Variants in SHROOM4 observed in about 807,000 individuals in gnomAD.
SHROOM4 encodes the protein protein Shroom4.
In SHROOM4, 17 loss-of-function variants were observed where a neutral mutation model predicts 80.3. That is an observed-to-expected ratio of 0.21 (90% CI 0.14 to 0.32). The LOEUF (loss-of-function observed/expected upper bound fraction) is 0.32, where lower values mean the gene tolerates loss of function less well. Among genes scored for constraint, SHROOM4 ranks in the 10% least tolerant of loss-of-function variants. The pLI is 1.00. For synonymous variants in SHROOM4, 400 were observed against 437.5 expected, an observed-to-expected ratio of 0.91 and a Z score of 1.07; for missense variants, 993 against 1,140.3, an observed-to-expected ratio of 0.87 and a Z score of 1.86.
At chrX:50,639,419 T>C (rs1931499654) in intron 2 of SHROOM4, among the ~76,000 whole-genome samples, 1 of 110,798 alleles carries the variant, frequency 9.0e-6, no homozygotes, top group Admixed American at 9.6e-5. Context: ...AGAAAGATTG[T>C]AGAGAAATAT....
At chrX:50,745,027 A>C (rs1197504271) in intron 1 of SHROOM4, among the ~76,000 whole-genome samples, 6 of 111,656 alleles carry the variant, frequency 5.4e-5, no homozygotes, top group Non-Finnish European at 9.4e-5. Flanking sequence ...GAAGTCTTTA[A>C]TTTTATCCTG....
At chrX:50,597,600 C>T in intron 8 of SHROOM4, among the ~76,000 whole-genome samples, 1 of 111,398 alleles carries the variant, frequency 9.0e-6, no homozygotes, top group East Asian at 2.8e-4. Context: ...CTACTGGGAG[C>T]TAGCATTGAT....
downstream of SHROOM4, among the ~76,000 whole-genome samples, chrX:50,582,345 C>T (rs150701173): frequency 0.01 from 1,136 of 111,705 alleles, 10 homozygotes; most frequent in African/African-American, 0.035. Flanking sequence ...ACGTGAAAAA[C>T]TATGAGATAG....
At chrX:50,621,792 A>C (rs1430743688) in intron 5 of SHROOM4, among the ~76,000 whole-genome samples, 1 of 111,585 alleles carries the variant, frequency 9.0e-6, no homozygotes, top group Non-Finnish European at 1.9e-5. Flanking sequence ...ATCAGATTCA[A>C]CTCTGAATTA....
intron 7 of SHROOM4, among the ~76,000 whole-genome samples, chrX:50,600,960 G>A (rs1929368853): frequency 8.9e-6 from 1 of 111,953 alleles, no homozygotes; most frequent in Admixed American, 9.5e-5. Flanking sequence ...GACCCACTTG[G>A]AAAATCACCT....
chrX:50,586,597 T>C (rs1190288582), downstream of SHROOM4, among the ~76,000 whole-genome samples: 1 of 111,950 alleles, frequency 8.9e-6, no homozygotes, highest in Non-Finnish European at 1.9e-5. Context: ...CCAGAACCCC[T>C]TAGTCTTTGG....
chrX:50,579,506 G>A, the SHROOM4 span, among the ~76,000 whole-genome samples: 5 of 111,844 alleles, frequency 4.5e-5, no homozygotes, highest in African/African-American at 1.3e-4. Context: ...ATAATTTATG[G>A]GGAATGAAAA....
In SHROOM4 at chrX:50,674,140, C is replaced by T. The variant is rs782020696; in HGVS notation, c.269+21646G>A. Among the ~76,000 whole-genome samples, 13 of 110,739 alleles carry T rather than the reference C, an allele frequency of 1.2e-4. No homozygotes were observed. In the East Asian group the frequency reaches 2.3e-3, roughly 19 times the overall value. ...CACACTGTGTTCATGGATTAGAAGA[C>T]GCAATATAGTAAACATGTTAATCCT... is the stretch of plus-strand genomic sequence containing the variant. On this transcript the variant is annotated intron_variant, in intron 2 of 8. Transcript: ENST00000376020.
intron 1 of SHROOM4, among the ~76,000 whole-genome samples, chrX:50,735,358 C>T (rs1172601537): frequency 1.8e-5 from 2 of 111,763 alleles, no homozygotes; most frequent in East Asian, 2.8e-4. Context: ...TAAATGTGAA[C>T]AATAAAACTA....
chrX:50,577,221 C>G, the SHROOM4 span, among the ~76,000 whole-genome samples: 5 of 112,498 alleles, frequency 4.4e-5, no homozygotes, highest in African/African-American at 1.3e-4. Context: ...CTATAATTTT[C>G]TTTTTTGTCA....
chrX:50,729,589 C>G (rs782217426), intron 1 of SHROOM4, among the ~76,000 whole-genome samples: 269 of 111,350 alleles, frequency 2.4e-3, no homozygotes, highest in Non-Finnish European at 3.9e-3. Context: ...AAAATAATGA[C>G]AATAACCTTC....
downstream of SHROOM4, among the ~76,000 whole-genome samples, chrX:50,582,490 C>T (rs782058478): frequency 4.9e-4 from 55 of 112,002 alleles, no homozygotes; most frequent in African/African-American, 1.7e-3. Flanking sequence ...CCGGATTGTT[C>T]CCTCTCCTTC....
At position 50,592,145 on chromosome X, in the gene SHROOM4, C is replaced by T. The variant is rs1378408270; in HGVS notation, c.*4550G>A. ...CAACACGAGAAGAGCAAGAATATGCCTGGGATAAGGAAAAAATGAATTGAG... is the reference window on the plus strand; with the variant it reads ...CAACACGAGAAGAGCAAGAATATGCTTGGGATAAGGAAAAAATGAATTGAG... On this transcript the variant is annotated 3_prime_UTR_variant, in exon 9 of 9. Coordinates refer to ENST00000376020, the MANE Select transcript of SHROOM4 (RefSeq NM_020717.5). The T allele has an allele frequency of 4.6e-5, 15 of 327,910 alleles. No individual in the cohort carries two copies. The highest frequency in any genetic ancestry group is 4.0e-4 in the African/African-American group (15 of 37,651). The allele number at this position is 327,910 out of a possible 1,213,427, so 27.0% of individuals were successfully genotyped here.
At chrX:50,726,123 G>T (rs1934238150) in intron 1 of SHROOM4, among the ~76,000 whole-genome samples, 1 of 112,074 alleles carries the variant, frequency 8.9e-6, no homozygotes, top group Non-Finnish European at 1.9e-5. Flanking sequence ...CCCTGCCCTA[G>T]AGGTCTGTGG....
In SHROOM4 at chrX:50,592,199, T is replaced by C; in HGVS notation, c.*4496A>G. On this transcript the variant is annotated 3_prime_UTR_variant, in exon 9 of 9. Coordinates refer to ENST00000376020, the MANE Select transcript of SHROOM4 (RefSeq NM_020717.5). ...ATCAGGACTATAATAATGGTTACCA[T>C]GTACTGAATATGTTTTCAACAAGTC... The C allele has an allele frequency of 3.0e-6, 1 of 328,759 alleles. No individual in the cohort carries two copies. The highest frequency in any genetic ancestry group is 5.9e-6 in the Non-Finnish European group (1 of 169,437). The allele number at this position is 328,759 out of a possible 1,213,427, so 27.1% of individuals were successfully genotyped here.
rs1266907731 is a variant in SHROOM4 at position 50,655,512 on chromosome X, AT to A, written c.270-17205del. 3.0e-4 allele frequency among the ~76,000 whole-genome samples: 32 copies of A among 106,118 alleles called. No individual in the cohort carries two copies. The Middle Eastern group carries it at 0.015, about 50-fold the overall frequency. The allele number at this position is 106,118 out of a possible 115,157, so 92.2% of individuals were successfully genotyped here. On this transcript the variant is annotated intron_variant, in intron 2 of 8. Coordinates refer to ENST00000376020, the MANE Select transcript of SHROOM4 (RefSeq NM_020717.5). ...GTGTGTGTATATATATATTTCATAT[AT>A]TTTTTATATATGAAATATATATTAT...
chrX:50,612,186 TA>T (rs782596447), intron 5 of SHROOM4, among the ~76,000 whole-genome samples: 103 of 103,695 alleles, frequency 9.9e-4, no homozygotes, highest in African/African-American at 2.7e-3. Context: ...CTAATCTAAT[TA>T]AAAAAAAAAC....
intron 7 of SHROOM4, among the ~76,000 whole-genome samples, chrX:50,598,911 C>T (rs1055711563): frequency 1.4e-4 from 16 of 111,217 alleles, no homozygotes; most frequent in Admixed American, 7.6e-4. Flanking sequence ...CTGCAACCTC[C>T]GCCTCTCAGG....
chrX:50,804,888 T>C (rs151323874), intron 1 of SHROOM4, among the ~76,000 whole-genome samples: 3,384 of 110,875 alleles, frequency 0.031, 126 homozygotes, highest in African/African-American at 0.11. Context: ...CTACTTTTGC[T>C]TGTTGTCTTG....
Sources: gnomAD v4.1 joint callset for allele counts (sites outside exome capture counted in the v4.1 genomes callset) on GRCh38, gnomAD v4.1.1 for gene constraint, MANE v1.5 for transcripts, NCBI Gene and HGNC (gene_info 2026-07-23, HGNC 2026-07-21) for gene names.